The following ANO2 variants were observed in gnomAD, a reference collection of about 807,000 sequenced individuals.
ANO2 encodes anoctamin 2.
Under a neutral mutation model 124.2 loss-of-function variants are expected in ANO2, and 101 were observed. The observed-to-expected ratio is 0.81, with a 90% CI of 0.69 to 0.96. The LOEUF (loss-of-function observed/expected upper bound fraction) is 0.96, where lower values mean the gene tolerates loss of function less well. ANO2 is among the 40% of genes least tolerant of loss of function. The pLI is 0.00. For synonymous variants in ANO2, 486 were observed against 482.5 expected, an observed-to-expected ratio of 1.01 and a Z score of -0.09; for missense variants, 1,293 against 1,274.5, an observed-to-expected ratio of 1.01 and a Z score of -0.22.
At chr12:5,922,317 A>G (rs915238065) in intron 2 of ANO2, among the ~76,000 whole-genome samples, 2 of 152,206 alleles carry the variant, frequency 1.3e-5, no homozygotes, top group Non-Finnish European at 2.9e-5. Flanking sequence ...CAGAGCCACC[A>G]TAGCAGAGAA....
In ANO2 at chr12:5,769,206, T is replaced by C. The variant is rs1189206025; in HGVS notation, c.1056-18236A>G. Among the ~76,000 whole-genome samples the C allele has an allele frequency of 6.6e-6, 1 of 152,102 alleles. No homozygotes were observed. The highest frequency in any genetic ancestry group is 1.5e-5 in the Non-Finnish European group (1 of 68,016). ...GGTTCCCTCTCTCCAACCAATCCTC[T>C]CTTTAAGAAGGTTTCCAAATAAAGA... On this transcript the variant is annotated intron_variant, in intron 10 of 24. Coordinates refer to ENST00000682330, the MANE Select transcript of ANO2 (RefSeq NM_001364791.2). This position sits in a 1 kb window ranked among gnomAD's most constrained non-coding sequence, Gnocchi z 4.0.
At chr12:5,757,135 T>A (rs1951605733) in intron 10 of ANO2, among the ~76,000 whole-genome samples, 1 of 152,174 alleles carries the variant, frequency 6.6e-6, no homozygotes. Context: ...AAACCAGAGC[T>A]CTCATAAAGG....
At chr12:5,773,656 C>T (rs1045931270) in intron 10 of ANO2, among the ~76,000 whole-genome samples, 4 of 152,148 alleles carry the variant, frequency 2.6e-5, no homozygotes, top group African/African-American at 9.7e-5. Context: ...CTTAAGAATT[C>T]AAAAAGTAAT....
chr12:5,844,398 G>A (rs1393937699), intron 4 of ANO2, among the ~76,000 whole-genome samples: 2 of 152,186 alleles, frequency 1.3e-5, no homozygotes, highest in African/African-American at 4.8e-5. Flanking sequence ...TTAGAGCAAA[G>A]CTTGAAGAGG....
intron 3 of ANO2, among the ~76,000 whole-genome samples, chr12:5,883,773 G>A (rs538724399): frequency 1.3e-5 from 2 of 152,170 alleles, no homozygotes; most frequent in East Asian, 3.9e-4. Flanking sequence ...TGAGATGACT[G>A]ATCTCATAGG....
chr12:5,742,690 G>A (rs1015499761), intron 12 of ANO2, among the ~76,000 whole-genome samples: 3 of 152,172 alleles, frequency 2.0e-5, no homozygotes, highest in African/African-American at 7.2e-5. Context: ...CTCAATGGTG[G>A]TAATATCTGC....
chr12:5,664,823 A>T (rs1947620338), intron 14 of ANO2, among the ~76,000 whole-genome samples: 1 of 152,220 alleles, frequency 6.6e-6, no homozygotes, highest in African/African-American at 2.4e-5. Context: ...TTAATGGGCA[A>T]ATTCATAGGA....
chr12:5,898,904 G>A (rs961496221), intron 3 of ANO2, among the ~76,000 whole-genome samples: 1 of 152,150 alleles, frequency 6.6e-6, no homozygotes, highest in Non-Finnish European at 1.5e-5. Context: ...TTCCAAAAGA[G>A]GCTTTTTTAA....
intron 3 of ANO2, 75 bp from the exon 4 acceptor site, chr12:5,854,216 C>T (rs553439327): frequency 7.4e-7 from 1 of 1,357,722 alleles, no homozygotes; most frequent in East Asian, 2.4e-5. Flanking sequence ...TTCAACTGTT[C>T]CACACAAGGA....
chr12:5,640,775 G>T (rs1007918058), intron 15 of ANO2, among the ~76,000 whole-genome samples: 18 of 152,306 alleles, frequency 1.2e-4, no homozygotes, highest in Admixed American at 1.0e-3. Context: ...CACTGTTGGT[G>T]GGAGCGTGAA....
chr12:5,750,965 T>G lies in ANO2; in HGVS notation c.1061A>C (p.Tyr354Ser), dbSNP rs753762408. 1 of 1,595,524 alleles carries G rather than the reference T, an allele frequency of 6.3e-7. No homozygotes were observed. Among genetic ancestry groups the G allele is most frequent in the Non-Finnish European group, 8.5e-7 (1 of 1,171,316 alleles). Residue 354 changes from tyrosine to serine, a missense_variant, in exon 11 of 25, where the codon TAT becomes TCT. Tyr to Ser is a moderately radical substitution (Grantham distance 144). Coordinates refer to ENST00000682330, the MANE Select transcript of ANO2 (RefSeq NM_001364791.2). ...KFQPIDLIRK[Y>S]FGEKIGLYFA... ...ATACAGTCCAATTTTTTCTCCAAAA[T>G]ACTTTCTGGAAAAGAAAGAAAAGAA...
At chr12:5,785,380 G>A (rs146419240) in intron 10 of ANO2, among the ~76,000 whole-genome samples, 390 of 152,114 alleles carry the variant, frequency 2.6e-3, no homozygotes, top group Non-Finnish European at 4.2e-3. Context: ...TCACAGGGTT[G>A]GGCATGTTCC....
chr12:5,860,416 TGCTTTGTCCTCA>T (rs1214900175), intron 3 of ANO2, among the ~76,000 whole-genome samples: 1 of 152,196 alleles, frequency 6.6e-6, no homozygotes, highest in African/African-American at 2.4e-5. Flanking sequence ...TCTTGTTGTT[TGCTTTGTCCTCA>T]GCAGCCACCA....
intron 14 of ANO2, among the ~76,000 whole-genome samples, chr12:5,707,927 T>C (rs1293091231): frequency 6.6e-6 from 1 of 152,194 alleles, no homozygotes; most frequent in East Asian, 1.9e-4. Flanking sequence ...AATGCCAAAT[T>C]TCTATTTCTG....
chr12:5,635,454 G>T lies in ANO2; in HGVS notation c.1621-107C>A. 1 of 923,450 alleles carries T rather than the reference G, an allele frequency of 1.1e-6. No individual in the cohort carries two copies. The highest frequency in any genetic ancestry group is 3.5e-5 in the South Asian group (1 of 28,310). 57.2% of individuals were successfully genotyped at this position (923,450 alleles called of 1,614,324 possible). ...GCTGTTATCAGATATTATTAATCTGGAATCTTTTGTTGGGTAACAAGGGAT... is the reference window on the plus strand; with the variant it reads ...GCTGTTATCAGATATTATTAATCTGTAATCTTTTGTTGGGTAACAAGGGAT... On this transcript the variant is annotated intron_variant, in intron 15 of 24. Transcript: ENST00000682330. This position sits in a 1 kb window ranked among gnomAD's most constrained non-coding sequence, Gnocchi z 5.2.
At chr12:5,776,541 A>G (rs1952237987) in intron 10 of ANO2, among the ~76,000 whole-genome samples, 1 of 152,238 alleles carries the variant, frequency 6.6e-6, no homozygotes, top group Non-Finnish European at 1.5e-5. Context: ...CCACGTGTCA[A>G]GTAATGGCAA....
At chr12:5,782,148 T>C (rs890151489) in intron 10 of ANO2, among the ~76,000 whole-genome samples, 9 of 152,182 alleles carry the variant, frequency 5.9e-5, no homozygotes, top group African/African-American at 2.2e-4. Context: ...ATATTTAGGA[T>C]TTTTATGTCT....
chr12:5,623,228 C>T (rs749192408), intron 16 of ANO2, among the ~76,000 whole-genome samples: 3 of 152,064 alleles, frequency 2.0e-5, no homozygotes, highest in Non-Finnish European at 2.9e-5. Flanking sequence ...TATGGGGATA[C>T]GATGGAGGGG....
chr12:5,756,568 G>A (rs575682063), intron 10 of ANO2, among the ~76,000 whole-genome samples: 1 of 152,364 alleles, frequency 6.6e-6, no homozygotes, highest in African/African-American at 2.4e-5. Flanking sequence ...GAGTAAGCAG[G>A]CAGTGCCTGC....
Sources: allele counts gnomAD v4.1 joint callset (sites outside exome capture counted in the v4.1 genomes callset), GRCh38; gene constraint gnomAD v4.1.1; non-coding constraint Gnocchi (gnomAD v3.1); transcripts MANE v1.5; gene names NCBI Gene and HGNC (gene_info 2026-07-23, HGNC 2026-07-21).